SCARA5: variants seen among roughly 807,000 people sequenced by gnomAD.
The protein encoded by SCARA5 is scavenger receptor class A member 5.
A neutral mutation model predicts 46.3 loss-of-function variants in SCARA5; 45 were observed. The ratio of observed to expected loss-of-function variants is 0.97; its 90% CI spans 0.76 to 1.24. SCARA5 has a LOEUF of 1.24. Among genes scored for constraint, SCARA5 ranks in the 50% most tolerant of loss-of-function variants. SCARA5 has a pLI of 0.00. For synonymous variants in SCARA5, 333 were observed against 306.5 expected, an observed-to-expected ratio of 1.09 and a Z score of -0.90; for missense variants, 680 against 689.0, an observed-to-expected ratio of 0.99 and a Z score of 0.15.
chr8:27,878,841 C>A (rs934585198), intron 8 of SCARA5, among the ~76,000 whole-genome samples: 2 of 152,220 alleles, frequency 1.3e-5, no homozygotes, highest in Non-Finnish European at 2.9e-5. Flanking sequence ...GTAATCCCAG[C>A]ACTTTGGGAG....
intron 3 of SCARA5, among the ~76,000 whole-genome samples, chr8:27,927,168 G>T (rs1180555354): frequency 1.3e-5 from 2 of 152,110 alleles, no homozygotes; most frequent in Non-Finnish European, 2.9e-5. Flanking sequence ...CTCTGTGGGG[G>T]TCCCTAAGCC....
In SCARA5 at chr8:27,871,734, C is replaced by G; in HGVS notation, c.*200G>C. 1 of 1,424,416 alleles carries G rather than the reference C, an allele frequency of 7.0e-7. No homozygotes were observed. Among genetic ancestry groups the G allele is most frequent in the Non-Finnish European group, 9.2e-7 (1 of 1,092,184 alleles). 88.2% of individuals were successfully genotyped at this position (1,424,416 alleles called of 1,614,324 possible). ...TGGAAGAGAGAGACGGGCAGTAGGT[C>G]CCAGAGTTATACTTCGGAGCACATG... On this transcript the variant is annotated 3_prime_UTR_variant, in exon 9 of 9. Coordinates refer to ENST00000354914, the MANE Select transcript of SCARA5 (RefSeq NM_173833.6).
intron 3 of SCARA5, among the ~76,000 whole-genome samples, chr8:27,940,241 C>T (rs181248637): frequency 2.0e-5 from 3 of 152,274 alleles, no homozygotes; most frequent in Admixed American, 2.0e-4. Flanking sequence ...ATTATTCTCA[C>T]GAGTAAGCAT....
intron 6 of SCARA5, among the ~76,000 whole-genome samples, chr8:27,905,874 C>T (rs1807254309): frequency 6.6e-6 from 1 of 151,870 alleles, no homozygotes; most frequent in Non-Finnish European, 1.5e-5. Flanking sequence ...ACATGCCTGG[C>T]TAAGTTTTGT....
At chr8:27,971,173 G>C (rs962528297) in intron 2 of SCARA5, among the ~76,000 whole-genome samples, 3 of 152,226 alleles carry the variant, frequency 2.0e-5, no homozygotes, top group Non-Finnish European at 4.4e-5. Context: ...CTTGGGAGGG[G>C]AAGACGATGC....
In SCARA5 at chr8:27,905,532, GAAA is replaced by G. The variant is rs869237451; in HGVS notation, c.1097-701_1097-699del. On this transcript the variant is annotated intron_variant, in intron 6 of 8. Coordinates refer to ENST00000354914, the MANE Select transcript of SCARA5 (RefSeq NM_173833.6). Reference sequence around the variant, plus strand: ...AGGATGATCCAAGATTTGGGGGGGGGAAAAAAAAAAGGCAGCCATATACATATA... The same window carrying G: ...AGGATGATCCAAGATTTGGGGGGGGGAAAAAAAGGCAGCCATATACATATA... Among the ~76,000 whole-genome samples, 254 of 41,586 alleles carry G rather than the reference GAAA, an allele frequency of 6.1e-3. 37 individuals are homozygous for G. The highest frequency in any genetic ancestry group is 0.013 in the African/African-American group (231 of 18,226). 27.3% of individuals were successfully genotyped at this position (41,586 alleles called of 152,430 possible).
intron 3 of SCARA5, among the ~76,000 whole-genome samples, chr8:27,929,802 C>T (rs1484098031): frequency 6.6e-6 from 1 of 152,148 alleles, no homozygotes; most frequent in Non-Finnish European, 1.5e-5. Flanking sequence ...TTAGAAGTTG[C>T]TTCCTTTACT....
At chr8:27,891,501 G>C (rs1237734453) in intron 7 of SCARA5, among the ~76,000 whole-genome samples, 1 of 152,196 alleles carries the variant, frequency 6.6e-6, no homozygotes, top group Non-Finnish European at 1.5e-5. Flanking sequence ...ACTGCGCCCA[G>C]CCTACTAATA....
chr8:27,979,080 C>T (rs1163670137), intron 2 of SCARA5, among the ~76,000 whole-genome samples: 1 of 152,170 alleles, frequency 6.6e-6, no homozygotes, highest in African/African-American at 2.4e-5. Flanking sequence ...AAGAAAACCA[C>T]GCCCCTATGC....
chr8:27,948,315 C>T (rs974078514), intron 3 of SCARA5, among the ~76,000 whole-genome samples: 1 of 152,124 alleles, frequency 6.6e-6, no homozygotes, highest in East Asian at 1.9e-4. Flanking sequence ...CAGACTCAGC[C>T]TTGGCCACAC....
intron 7 of SCARA5, among the ~76,000 whole-genome samples, chr8:27,899,700 A>AT (rs1342946128): frequency 6.6e-6 from 1 of 152,158 alleles, no homozygotes; most frequent in East Asian, 1.9e-4. Context: ...TTCCAGGCTT[A>AT]TTTTTTGTCT....
At chr8:27,890,262 C>T (rs112973005) in intron 7 of SCARA5, among the ~76,000 whole-genome samples, 1,893 of 152,326 alleles carry the variant, frequency 0.012, 28 homozygotes, top group African/African-American at 0.042. Flanking sequence ...TCTTTTGAGA[C>T]CACTTCTCTT....
chr8:27,953,957 G>A (rs1808170349), intron 3 of SCARA5, among the ~76,000 whole-genome samples: 3 of 152,216 alleles, frequency 2.0e-5, no homozygotes, highest in South Asian at 4.1e-4. Context: ...AGAGGAGGGA[G>A]GCAAGGATTC....
chr8:27,885,989 C>G (rs2129689301), intron 7 of SCARA5: 1 of 154,920 alleles, frequency 6.5e-6, no homozygotes, highest in Non-Finnish European at 1.5e-5. Context: ...AAGGATGTCT[C>G]TGGCCCATGG....
Position 27,871,871 on chromosome 8 carries a change from C to G in SCARA5, c.*63G>C, listed in dbSNP as rs973290567. The G allele has an allele frequency of 1.9e-5, 30 of 1,608,522 alleles. No individual in the cohort carries two copies. The highest frequency in any genetic ancestry group is 2.1e-4 in the Middle Eastern group (1 of 4,728). On this transcript the variant is annotated 3_prime_UTR_variant, in exon 9 of 9. Transcript: ENST00000354914. ...TGGTCAGGGTGGCCCCGAGCTGTGC[C>G]CCACCCCAGGGATGCAGGAAGGGTG...
intron 7 of SCARA5, among the ~76,000 whole-genome samples, chr8:27,896,953 G>A (rs771897360): frequency 3.9e-5 from 6 of 152,086 alleles, no homozygotes; most frequent in Non-Finnish European, 5.9e-5. Context: ...TTAGCTGGGT[G>A]TGGTGGTGTG....
rs34929623 is a variant in SCARA5 at position 27,989,129 on chromosome 8, C to CTTTTTTTTTTT, written c.-15-1510_-15-1500dup. On this transcript the variant is annotated intron_variant, in intron 1 of 8. Transcript: ENST00000354914. ...TTTTTTTTTTTCTGTTTCTTTCTTTCTTTTTTTTTTTTTTTTTTTTTTTTG... is the reference window on the plus strand; with the variant it reads ...TTTTTTTTTTTCTGTTTCTTTCTTTCTTTTTTTTTTTTTTTTTTTTTTTTTTTTTTTTTTTG... Among the ~76,000 whole-genome samples the CTTTTTTTTTTT allele has an allele frequency of 2.5e-4, 17 of 68,316 alleles. 1 individual carries two copies. Among genetic ancestry groups the CTTTTTTTTTTT allele is most frequent in the African/African-American group, 8.6e-4 (14 of 16,212 alleles). The allele number at this position is 68,316 out of a possible 152,430, so 44.8% of individuals were successfully genotyped here. A position where few individuals can be genotyped will look rare whatever the true frequency, so the allele number is the denominator to read the frequency against.
At chr8:27,887,856 A>C (rs1345153229) in intron 7 of SCARA5, among the ~76,000 whole-genome samples, 2 of 152,328 alleles carry the variant, frequency 1.3e-5, no homozygotes, top group East Asian at 3.9e-4. Context: ...AGAAAGAAAG[A>C]AATAGTAGCT....
chr8:27,929,764 G>A (rs545969561), intron 3 of SCARA5, among the ~76,000 whole-genome samples: 31 of 152,300 alleles, frequency 2.0e-4, no homozygotes, highest in African/African-American at 7.5e-4. Context: ...ATCACCTACT[G>A]TATGCCAAAC....
Sources: gnomAD v4.1 joint callset for allele counts (sites outside exome capture counted in the v4.1 genomes callset) on GRCh38, gnomAD v4.1.1 for gene constraint, MANE v1.5 for transcripts, NCBI Gene and HGNC (gene_info 2026-07-23, HGNC 2026-07-21) for gene names.